DPY19L3: variants seen among roughly 807,000 people sequenced by gnomAD.
DPY19L3 encodes the protein protein C-mannosyl-transferase DPY19L3.
Under a neutral mutation model 92.3 loss-of-function variants are expected in DPY19L3, and 51 were observed. That is an observed-to-expected ratio of 0.55 (90% confidence interval 0.44 to 0.70). The LOEUF is 0.70. Among genes scored for constraint, DPY19L3 ranks in the 30% least tolerant of loss-of-function variants. The probability of loss-of-function intolerance (pLI) is 0.00; values close to 1 mark genes in which losing one functional copy is unlikely to be tolerated. For synonymous variants in DPY19L3, 309 were observed against 315.2 expected (o/e 0.98, Z 0.21); for missense variants, 706 against 855.9 (o/e 0.82, Z 2.18).
At chr19:32,438,358 C>T (rs1444683597) in intron 6 of DPY19L3, among the ~76,000 whole-genome samples, 7 of 151,848 alleles carry the variant, frequency 4.6e-5, no homozygotes, top group Non-Finnish European at 1.5e-5. Flanking sequence ...ATTATTATCC[C>T]CATTTTAGAA....
At chr19:32,425,509 C>T (rs1968728384) in intron 3 of DPY19L3, among the ~76,000 whole-genome samples, 1 of 151,894 alleles carries the variant, frequency 6.6e-6, no homozygotes, top group Non-Finnish European at 1.5e-5. Flanking sequence ...TGAGATGGCG[C>T]CACTGTGCTC....
At chr19:32,447,044 A>G (rs1969522981) in intron 8 of DPY19L3, among the ~76,000 whole-genome samples, 1 of 152,242 alleles carries the variant, frequency 6.6e-6, no homozygotes, top group African/African-American at 2.4e-5. Flanking sequence ...TGAAATCAAT[A>G]CAGAAAGATA....
At position 32,456,079 on chromosome 19, in the gene DPY19L3, CTT is replaced by C. The variant is rs899726982; in HGVS notation, c.1089+1059_1089+1060del. ...CAGCCAGTCACTATGTCACTATGTT[CTT>C]TTTTTTTTTTTTTTTTTTTGGACAG... On this transcript the variant is annotated intron_variant, in intron 10 of 18. Coordinates refer to ENST00000392250, the MANE Select transcript of DPY19L3 (RefSeq NM_001172774.2). 3.5e-3 allele frequency among the ~76,000 whole-genome samples: 364 copies of C among 103,380 alleles called. 3 individuals are homozygous for C. Among genetic ancestry groups the C allele is most frequent in the African/African-American group, 0.013 (340 of 26,724 alleles). 67.8% of individuals were successfully genotyped at this position (103,380 alleles called of 152,430 possible). A position where few individuals can be genotyped will look rare whatever the true frequency, so the allele number is the denominator to read the frequency against.
At chr19:32,468,665 A>G in intron 15 of DPY19L3, 66 bp from the exon 16 acceptor site, 1 of 1,582,918 alleles carries the variant, frequency 6.3e-7, no homozygotes. Flanking sequence ...TTTTCATTTA[A>G]TCTTAGTGAT....
Position 32,464,780 on chromosome 19 carries a change from A to G in DPY19L3, c.1610A>G (p.Tyr537Cys), listed in dbSNP as rs202223374. 43 of 1,524,286 alleles carry G rather than the reference A, an allele frequency of 2.8e-5. No individual in the cohort carries two copies. In the East Asian group the frequency reaches 7.5e-4, roughly 27 times the overall value. The allele number at this position is 1,524,286 out of a possible 1,614,324, so 94.4% of individuals were successfully genotyped here. The change falls in exon 15 of 19, where the codon TAT (tyrosine) becomes TGT (cysteine). Residue 537 changes from tyrosine to cysteine, a missense_variant. Tyr to Cys is a radical substitution (Grantham distance 194). Transcript: ENST00000392250. ...VPILILLYLC[Y>C]KFWPGMMDEL... is the part of the protein sequence containing the mutation. ...ATATTAATACTGCTGTATCTATGCT[A>G]TAAGGTAAGACTGATTTTCCTCATT...
intron 8 of DPY19L3, among the ~76,000 whole-genome samples, chr19:32,442,316 A>G (rs1435777659): frequency 1.3e-5 from 2 of 152,204 alleles, no homozygotes; most frequent in Non-Finnish European, 2.9e-5. Context: ...TAAAGTGTAT[A>G]CTTTTGCTTA....
chr19:32,482,100 A>G lies in DPY19L3; in HGVS notation c.2011A>G (p.Asn671Asp). The G allele has an allele frequency of 6.2e-7, 1 of 1,613,712 alleles. No homozygotes were observed. Among genetic ancestry groups the G allele is most frequent in the Middle Eastern group, 1.7e-4 (1 of 6,056 alleles). ...TTAGATGATGGATGGCCCAGGAGAG[A>G]ATGATCCTGATTTGAAACCTGCAGA... The part of the protein sequence containing the change: ...NGHMMDGPGE[N>D]DPDLKPADHP... The change falls in exon 19 of 19, where the codon AAT (asparagine) becomes GAT (aspartate). Residue 671 changes from asparagine (N) to aspartate (D), a missense_variant. Coordinates refer to ENST00000392250, the MANE Select transcript of DPY19L3 (RefSeq NM_001172774.2).
chr19:32,439,324 A>G, intron 7 of DPY19L3, 89 bp downstream of exon 7: 3 of 1,372,608 alleles, frequency 2.2e-6, no homozygotes, highest in South Asian at 2.9e-5. Context: ...ATCCCAATGC[A>G]TGTGAATAGT....
chr19:32,475,799 G>T (rs1480316503), intron 16 of DPY19L3, among the ~76,000 whole-genome samples: 1 of 152,222 alleles, frequency 6.6e-6, no homozygotes, highest in African/African-American at 2.4e-5. Flanking sequence ...TTGATACGGG[G>T]AACAGAGCTA....
rs10500259 is a variant in DPY19L3 at position 32,439,540 on chromosome 19, G to T, written c.721-236G>T. Among the ~76,000 whole-genome samples, 562 of 152,238 alleles carry T rather than the reference G, an allele frequency of 3.7e-3. 4 individuals carry two copies. The highest frequency in any genetic ancestry group is 0.013 in the African/African-American group (542 of 41,550). ...GCCCTTGCTCTTGAGATGTGATTTG[G>T]TGCATTATCGCCTCCATAATAGTGT... is the stretch of plus-strand genomic sequence containing the variant. On this transcript the variant is annotated intron_variant, in intron 7 of 18. Coordinates refer to ENST00000392250, the MANE Select transcript of DPY19L3 (RefSeq NM_001172774.2).
chr19:32,448,489 C>T (rs1475567970), intron 8 of DPY19L3, among the ~76,000 whole-genome samples: 1 of 152,132 alleles, frequency 6.6e-6, no homozygotes, highest in Non-Finnish European at 1.5e-5. Context: ...GACCAGAAGC[C>T]TTACCAATAA....
intron 3 of DPY19L3, among the ~76,000 whole-genome samples, chr19:32,428,479 G>A (rs370420178): frequency 2.0e-5 from 3 of 152,134 alleles, no homozygotes; most frequent in South Asian, 2.1e-4. Context: ...GCCAAGGAGC[G>A]GATTGGGGTC....
intron 3 of DPY19L3, among the ~76,000 whole-genome samples, chr19:32,420,701 C>T (rs1187200797): frequency 1.3e-5 from 2 of 152,168 alleles, no homozygotes; most frequent in East Asian, 3.9e-4. Flanking sequence ...CCGCCCATCT[C>T]TGCCTCCCAA....
chr19:32,456,715 C>T lies in DPY19L3; in HGVS notation c.1090-1385C>T, dbSNP rs149806166. On this transcript the variant is annotated intron_variant, in intron 10 of 18. Coordinates refer to ENST00000392250, the MANE Select transcript of DPY19L3 (RefSeq NM_001172774.2). ...TCCCACAGTGCTAGGATTACAGACA[C>T]GAGCTGCTGCACTCAGCCAAAAGCT... Among the ~76,000 whole-genome samples, 345 of 152,244 alleles carry T rather than the reference C, an allele frequency of 2.3e-3. 14 individuals carry two copies. The South Asian group carries it at 0.07, about 31-fold the overall frequency.
At chr19:32,466,330 C>G (rs999247399) in intron 15 of DPY19L3, among the ~76,000 whole-genome samples, 1 of 152,198 alleles carries the variant, frequency 6.6e-6, no homozygotes, top group Non-Finnish European at 1.5e-5. Context: ...GAATCAGAAG[C>G]CTGGGAGTCC....
At chr19:32,421,860 G>C (rs1029164642) in intron 3 of DPY19L3, among the ~76,000 whole-genome samples, 1 of 152,074 alleles carries the variant, frequency 6.6e-6, no homozygotes, top group Admixed American at 6.5e-5. Flanking sequence ...ACAGAGACAA[G>C]CCATATTTGT....
chr19:32,462,785 A>C (rs1970080108), intron 12 of DPY19L3, among the ~76,000 whole-genome samples: 1 of 152,252 alleles, frequency 6.6e-6, no homozygotes, highest in Non-Finnish European at 1.5e-5. Flanking sequence ...CAATTGATGC[A>C]AACAGGGAAA....
chr19:32,433,780 A>G (rs904152379), intron 4 of DPY19L3, among the ~76,000 whole-genome samples: 14 of 152,100 alleles, frequency 9.2e-5, no homozygotes, highest in Non-Finnish European at 1.8e-4. Flanking sequence ...CATTTTGGTT[A>G]TCTTTGGTTT....
chr19:32,421,093 T>A (rs1968552516), intron 3 of DPY19L3, among the ~76,000 whole-genome samples: 1 of 152,228 alleles, frequency 6.6e-6, no homozygotes, highest in Non-Finnish European at 1.5e-5. Context: ...TTCATATTTT[T>A]GAAGTTTTTA....
Sources: allele counts gnomAD v4.1 joint callset (sites outside exome capture counted in the v4.1 genomes callset), GRCh38; gene constraint gnomAD v4.1.1; transcripts MANE v1.5; gene names NCBI Gene and HGNC (gene_info 2026-07-23, HGNC 2026-07-21).